ACOT4: variants seen among roughly 807,000 people sequenced by gnomAD.
The protein encoded by ACOT4 is peroxisomal succinyl-coenzyme A thioesterase.
Under a neutral mutation model 17.1 loss-of-function variants are expected in ACOT4, and 18 were observed. The observed-to-expected ratio is 1.05, with a 90% CI of 0.73 to 1.56. The LOEUF (loss-of-function observed/expected upper bound fraction) is 1.56. ACOT4 is among the 40% of genes most tolerant of loss of function. The pLI is 0.00. For missense variants in ACOT4, 574 were observed against 557.2 expected, an observed-to-expected ratio of 1.03 and a Z score of -0.30; for synonymous variants, 234 against 236.6, an observed-to-expected ratio of 0.99 and a Z score of 0.10.
chr14:73,595,750 C>A lies in ACOT4; in HGVS notation c.*96C>A. The A allele has an allele frequency of 7.3e-7, 1 of 1,371,874 alleles. No homozygotes were observed. Among genetic ancestry groups the A allele is most frequent in the Non-Finnish European group, 9.7e-7 (1 of 1,036,134 alleles). 85.0% of individuals were successfully genotyped at this position (1,371,874 alleles called of 1,614,324 possible). A position where few individuals can be genotyped will look rare whatever the true frequency, so the allele number is the denominator to read the frequency against. On this transcript the variant is annotated 3_prime_UTR_variant, in exon 3 of 3. Transcript: ENST00000326303. Reference sequence around the variant, plus strand: ...GATGTCTCCTGGATAACATTAAAGCCATGTCTTTGTCATTAATGGTGTATT... The same window carrying A: ...GATGTCTCCTGGATAACATTAAAGCAATGTCTTTGTCATTAATGGTGTATT...
rs1890225827 is a variant in ACOT4, at chr14:73,595,185, A to G, written c.797A>G (p.Asn266Ser). 5.0e-6 allele frequency: 8 copies of G among 1,614,132 alleles called. No homozygotes were observed. Among genetic ancestry groups the G allele is most frequent in the East Asian group, 2.2e-5 (1 of 44,904 alleles). The change falls in exon 3 of 3, where the codon AAC becomes AGC. Residue 266 changes from asparagine (N) to serine (S), a missense_variant. Asn to Ser is a conservative substitution (Grantham distance 46, BLOSUM62 1). Transcript: ENST00000326303. The stretch of plus-strand genomic sequence containing the variant: ...GGGATCAGTGGGAACACAGCCATCA[A>G]CTATAAGCACAGTAGCATTCCACCA... Reference protein sequence around the residue: ...GSGISGNTAINYKHSSIPPLG... With the variant: ...GSGISGNTAISYKHSSIPPLG...
rs762237407 is a variant in ACOT4, at chr14:73,595,567, G to A, written c.1179G>A (p.Lys393=). 1 of 1,584,976 alleles carries A rather than the reference G, an allele frequency of 6.3e-7. No homozygotes were observed. ...GTGGGGAGCCCAGGGCTCATTCTAA[G>A]GCCCAGGAAGATGCCTGGAAGCAAA... ...IWGGEPRAHS[K]AQEDAWKQIL... Residue 393 remains lysine (K), a synonymous_variant, in exon 3 of 3, where the codon AAG becomes AAA. Transcript: ENST00000326303.
At chr14:73,593,194 C>T (rs1432408182) in intron 1 of ACOT4, among the ~76,000 whole-genome samples, 2 of 152,202 alleles carry the variant, frequency 1.3e-5, no homozygotes, top group African/African-American at 4.8e-5. Flanking sequence ...CACTGCCTTT[C>T]TCACCTAAAA....
chr14:73,592,312 G>T lies in ACOT4; in HGVS notation c.353G>T (p.Arg118Leu). The change falls in exon 1 of 3, where the codon CGG becomes CTG. Residue 118 changes from arginine (R) to leucine (L), a missense_variant. Coordinates refer to ENST00000326303, the MANE Select transcript of ACOT4 (RefSeq NM_152331.4). ...GACGGCCACGACCCCGAGCCTGGAC[G>T]GCTGCTGTGCCAGGCGCAGCACGAG... ...VLDGHDPEPGRLLCQAQHERH... is the reference protein window; with the variant it reads ...VLDGHDPEPGLLLCQAQHERH... 1 of 1,610,924 alleles carries T rather than the reference G, an allele frequency of 6.2e-7. No homozygotes were observed.
At chr14:73,594,400 C>T (rs2140350961) in intron 2 of ACOT4, among the ~76,000 whole-genome samples, 1 of 151,752 alleles carries the variant, frequency 6.6e-6, no homozygotes, top group African/African-American at 2.4e-5. Context: ...TCAGTCAGAC[C>T]TACCTGAATG....
Position 73,595,741 on chromosome 14 carries a change from C to G in ACOT4, c.*87C>G, listed in dbSNP as rs969850282. On this transcript the variant is annotated 3_prime_UTR_variant, in exon 3 of 3. Coordinates refer to ENST00000326303, the MANE Select transcript of ACOT4 (RefSeq NM_152331.4). ...TGTGAATCAGATGTCTCCTGGATAA[C>G]ATTAAAGCCATGTCTTTGTCATTAA... 7.1e-7 allele frequency: 1 copy of G among 1,400,094 alleles called. No homozygotes were observed. The highest frequency in any genetic ancestry group is 9.5e-7 in the Non-Finnish European group (1 of 1,055,894). 86.7% of individuals were successfully genotyped at this position (1,400,094 alleles called of 1,614,324 possible).
chr14:73,593,640 G>T, intron 1 of ACOT4, 62 bp from the exon 2 acceptor site: 1 of 1,482,880 alleles, frequency 6.7e-7, no homozygotes, highest in African/African-American at 1.4e-5. Flanking sequence ...ACAGTGTCCA[G>T]CCAGGAAAGC....
rs773778839 is a variant in ACOT4, at chr14:73,593,740, A to T, written c.496A>T (p.Ile166Phe). The T allele has an allele frequency of 1.2e-5, 19 of 1,613,506 alleles. No homozygotes were observed. Among genetic ancestry groups the T allele is most frequent in the Non-Finnish European group, 1.4e-5 (16 of 1,179,736 alleles). Residue 166 changes from isoleucine (I) to phenylalanine (F), a missense_variant, in exon 2 of 3, where the codon ATT (isoleucine) becomes TTT (phenylalanine). By Grantham distance (21) the Ile-to-Phe change is conservative. Transcript: ENST00000326303. ...CCCAGGGATCATTGACATCTTTGGT[A>T]TTGGAGGGGGCCTCTTGGAATATCG... Reference protein sequence around the residue: ...PFPGIIDIFGIGGGLLEYRAS... With the variant: ...PFPGIIDIFGFGGGLLEYRAS...
At chr14:73,592,583 T>C (rs1595178535) in intron 1 of ACOT4, among the ~76,000 whole-genome samples, 167 bp downstream of exon 1, 1 of 152,342 alleles carries the variant, frequency 6.6e-6, no homozygotes, top group East Asian at 1.9e-4. Context: ...CCGGGCGTGG[T>C]GACTAACGCC....
rs748903306 is a variant in ACOT4 at position 73,595,171 on chromosome 14, G to A, written c.783G>A (p.Gly261=). 1 of 1,614,226 alleles carries A rather than the reference G, an allele frequency of 6.2e-7. No homozygotes were observed. The highest frequency in any genetic ancestry group is 8.5e-7 in the Non-Finnish European group (1 of 1,180,042). ...CCATCAATGGATCTGGGATCAGTGGGAACACAGCCATCAACTATAAGCACA... is the reference window on the plus strand; with the variant it reads ...CCATCAATGGATCTGGGATCAGTGGAAACACAGCCATCAACTATAAGCACA... ...TVSINGSGIS[G]NTAINYKHSS... The change falls in exon 3 of 3, where the codon GGG becomes GGA. Residue 261 remains glycine (G), a synonymous_variant. Transcript: ENST00000326303.
intron 2 of ACOT4, among the ~76,000 whole-genome samples, 166 bp downstream of exon 2, chr14:73,594,070 T>C (rs948539471): frequency 6.6e-6 from 1 of 152,238 alleles, no homozygotes; most frequent in Non-Finnish European, 1.5e-5. Context: ...TCAGATGAAT[T>C]TGTGATATAG....
chr14:73,593,244 A>G (rs1463596543), intron 1 of ACOT4, among the ~76,000 whole-genome samples: 1 of 151,886 alleles, frequency 6.6e-6, no homozygotes, highest in Non-Finnish European at 1.5e-5. Flanking sequence ...CCCTTTCTAC[A>G]TAGACATCTG....
chr14:73,593,031 A>G (rs1300309190), intron 1 of ACOT4, among the ~76,000 whole-genome samples: 9 of 152,162 alleles, frequency 5.9e-5, no homozygotes, highest in African/African-American at 2.2e-4. Context: ...TCACTACCCT[A>G]CAGATTTCTA....
Position 73,592,072 on chromosome 14 carries a change from T to G in ACOT4, c.113T>G (p.Leu38Arg), listed in dbSNP as rs1414719718. Residue 38 changes from leucine to arginine, a missense_variant, in exon 1 of 3, where the codon CTG (leucine) becomes CGG (arginine). Transcript: ENST00000326303. ...PEQRVTLRAS[L>R]RDEKGALFRA... Reference sequence around the variant, plus strand: ...CAGCGGGTTACGCTGCGCGCGTCCCTGCGCGACGAGAAGGGCGCGCTCTTC... The same window carrying G: ...CAGCGGGTTACGCTGCGCGCGTCCCGGCGCGACGAGAAGGGCGCGCTCTTC... 1.3e-6 allele frequency: 2 copies of G among 1,484,034 alleles called. No homozygotes were observed. Among genetic ancestry groups the G allele is most frequent in the Non-Finnish European group, 1.8e-6 (2 of 1,119,068 alleles). 91.9% of individuals were successfully genotyped at this position (1,484,034 alleles called of 1,614,324 possible).
intron 2 of ACOT4, 70 bp downstream of exon 2, chr14:73,593,974 C>A (rs992978394): frequency 2.2e-6 from 3 of 1,380,402 alleles, no homozygotes; most frequent in African/African-American, 1.4e-5. Context: ...ACCTTTACCA[C>A]GTGCAGAAAT....
Position 73,593,891 on chromosome 14 carries a change from T to C in ACOT4, c.647T>C (p.Leu216Pro). Residue 216 changes from leucine to proline, a missense_variant, in exon 2 of 3, where the codon CTT (leucine) becomes CCT (proline). Coordinates refer to ENST00000326303, the MANE Select transcript of ACOT4 (RefSeq NM_152331.4). Reference protein sequence around the residue: ...EYFEEAVCYMLQHPQVKGPGI... With the variant: ...EYFEEAVCYMPQHPQVKGPGI... ...TTCGAAGAAGCCGTATGCTACATGC[T>C]TCAACATCCCCAGGTTCTCCTCATG... 6.2e-7 allele frequency: 1 copy of C among 1,612,238 alleles called. No homozygotes were observed. Among genetic ancestry groups the C allele is most frequent in the African/African-American group, 1.3e-5 (1 of 74,986 alleles).
chr14:73,595,059 C>G lies in ACOT4; in HGVS notation c.671C>G (p.Pro224Arg). The G allele has an allele frequency of 3.1e-6, 5 of 1,613,614 alleles. No homozygotes were observed. The highest frequency in any genetic ancestry group is 4.2e-6 in the Non-Finnish European group (5 of 1,179,924). The change falls in exon 3 of 3, where the codon CCA becomes CGA. Residue 224 changes from proline to arginine, a missense_variant. Coordinates refer to ENST00000326303, the MANE Select transcript of ACOT4 (RefSeq NM_152331.4). ...CTTCTTTTCTTCCAGGTAAAAGGCC[C>G]AGGCATTGGGCTTTTGGGCATTTCT... ...YMLQHPQVKG[P>R]GIGLLGISLG...
Position 73,593,885 on chromosome 14 carries a change from A to G in ACOT4, c.641A>G (p.Tyr214Cys). ...SLEYFEEAVC[Y>C]MLQHPQVKGP... The stretch of plus-strand genomic sequence containing the variant: ...GAGTACTTCGAAGAAGCCGTATGCT[A>G]CATGCTTCAACATCCCCAGGTTCTC... The change falls in exon 2 of 3, where the codon TAC (tyrosine) becomes TGC (cysteine). Residue 214 changes from tyrosine to cysteine, a missense_variant. Coordinates refer to ENST00000326303, the MANE Select transcript of ACOT4 (RefSeq NM_152331.4). 2 of 1,612,426 alleles carry G rather than the reference A, an allele frequency of 1.2e-6. No individual in the cohort carries two copies. The highest frequency in any genetic ancestry group is 1.7e-6 in the Non-Finnish European group (2 of 1,178,930).
At position 73,591,917 on chromosome 14, in the gene ACOT4, G is replaced by T; in HGVS notation, c.-43G>T. 7.4e-7 allele frequency: 1 copy of T among 1,350,926 alleles called. No individual in the cohort carries two copies. Among genetic ancestry groups the T allele is most frequent in the South Asian group, 2.0e-5 (1 of 50,544 alleles). The allele number at this position is 1,350,926 out of a possible 1,614,324, so 83.7% of individuals were successfully genotyped here. A position where few individuals can be genotyped will look rare whatever the true frequency, so the allele number is the denominator to read the frequency against. The stretch of plus-strand genomic sequence containing the variant: ...GGCGCGCTTGCCACGATCTTGGACG[G>T]GTCTCGGGCCTCGACCTTTGAATTC... On this transcript the variant is annotated 5_prime_UTR_variant, in exon 1 of 3. Transcript: ENST00000326303.
Sources: allele counts gnomAD v4.1 joint callset (sites outside exome capture counted in the v4.1 genomes callset), GRCh38; gene constraint gnomAD v4.1.1; transcripts MANE v1.5; gene names NCBI Gene and HGNC (gene_info 2026-07-23, HGNC 2026-07-21).